The following CEP95 variants were observed in gnomAD, a reference collection of about 807,000 sequenced individuals.
The protein encoded by CEP95 is centrosomal protein 95, also known as centrosomal protein of 95 kDa.
CEP95 carries 98 observed loss-of-function variants against 111.2 expected under a neutral mutation model. That is an observed-to-expected ratio of 0.88 (90% CI 0.75 to 1.04). The LOEUF (loss-of-function observed/expected upper bound fraction) is 1.04. Ranked by LOEUF, CEP95 falls within the 50% of genes least tolerant of loss-of-function variation. CEP95 has a pLI of 0.00. For synonymous variants in CEP95, 323 were observed against 327.1 expected, an observed-to-expected ratio of 0.99 and a Z score of 0.14; for missense variants, 1,027 against 977.2, an observed-to-expected ratio of 1.05 and a Z score of -0.68.
intron 11 of CEP95, among the ~76,000 whole-genome samples, chr17:64,528,489 G>A (rs537256439): frequency 3.3e-5 from 5 of 152,088 alleles, no homozygotes; most frequent in East Asian, 1.9e-4. Context: ...TTTCAAGTGC[G>A]TCTTCAGTTT....
Position 64,516,794 on chromosome 17 carries a change from T to C in CEP95, c.439T>C (p.Ser147Pro), listed in dbSNP as rs1461223936. 1 of 1,610,058 alleles carries C rather than the reference T, an allele frequency of 6.2e-7. No homozygotes were observed. Among genetic ancestry groups the C allele is most frequent in the Non-Finnish European group, 8.5e-7 (1 of 1,176,596 alleles). The stretch of plus-strand genomic sequence containing the variant: ...GGAAGAGCCAGAAAGTACTAAAGAA[T>C]CTAAATCATCATGGAAAAGAGTTTC... ...RLEEPESTKE[S>P]KSSWKRVSFG... Residue 147 changes from serine (S) to proline (P), a missense_variant, in exon 5 of 20, where the codon TCT (serine) becomes CCT (proline). Physicochemically the swap from Ser to Pro is moderately conservative, Grantham distance 74. Coordinates refer to ENST00000556440, the MANE Select transcript of CEP95 (RefSeq NM_138363.3).
At chr17:64,512,197 T>C (rs2038932581) in intron 3 of CEP95, among the ~76,000 whole-genome samples, 1 of 152,224 alleles carries the variant, frequency 6.6e-6, no homozygotes, top group African/African-American at 2.4e-5. Flanking sequence ...TGCTAGTGTT[T>C]GTAAAAACAA....
At chr17:64,508,303 A>G (rs2038688793) in intron 1 of CEP95, 2 of 992,514 alleles carry the variant, frequency 2.0e-6, no homozygotes, top group Non-Finnish European at 2.4e-6. Context: ...TGTAAGGCTT[A>G]TATAAGTAAC....
At chr17:64,520,103 G>A (rs1185126602) in intron 6 of CEP95, among the ~76,000 whole-genome samples, 1 of 152,206 alleles carries the variant, frequency 6.6e-6, no homozygotes, top group Non-Finnish European at 1.5e-5. Context: ...AGAGTCAAGT[G>A]TGGATACTAC....
intron 3 of CEP95, 88 bp downstream of exon 3, chr17:64,510,368 G>A: frequency 3.6e-6 from 3 of 841,980 alleles, no homozygotes; most frequent in Admixed American, 2.1e-5. Context: ...AACCAAATGA[G>A]TGAGCTTATG....
At chr17:64,508,790 A>T in intron 2 of CEP95, 70 bp downstream of exon 2, 1 of 632,582 alleles carries the variant, frequency 1.6e-6, no homozygotes, top group Non-Finnish European at 2.3e-6. Context: ...CTTTAGTTAG[A>T]TTCTTTGATA....
intron 1 of CEP95, chr17:64,507,464 C>A: frequency 7.8e-7 from 1 of 1,284,982 alleles, no homozygotes; most frequent in East Asian, 3.5e-5. Flanking sequence ...GCACTATGGG[C>A]CCTGAGGTCG....
At position 64,514,153 on chromosome 17, in the gene CEP95, A is replaced by G. The variant is rs1177817946; in HGVS notation, c.257-95A>G. ...TGGTATGTATCGCCTGTATTCTTAA[A>G]TAGCATTTTCACAATGTTATATCCA... is the stretch of plus-strand genomic sequence containing the variant. On this transcript the variant is annotated intron_variant, in intron 3 of 19. Transcript: ENST00000556440. 9.0e-6 allele frequency: 5 copies of G among 556,990 alleles called. No individual in the cohort carries two copies. The African/African-American group carries it at 9.4e-5, about 10-fold the overall frequency. 34.5% of individuals were successfully genotyped at this position (556,990 alleles called of 1,614,324 possible).
chr17:64,537,521 A>C, intron 19 of CEP95, 82 bp from the exon 20 acceptor site: 3 of 1,461,780 alleles, frequency 2.1e-6, no homozygotes, highest in Non-Finnish European at 2.7e-6. Flanking sequence ...GAGTTTGATT[A>C]GCTGGAAGAT....
At chr17:64,529,709 A>G (rs1287520534) in intron 12 of CEP95, among the ~76,000 whole-genome samples, 2 of 152,198 alleles carry the variant, frequency 1.3e-5, no homozygotes, top group Non-Finnish European at 2.9e-5. Flanking sequence ...AGTGAGCTTC[A>G]GAGATGAAGG....
intron 1 of CEP95, 103 bp downstream of exon 1, chr17:64,507,219 G>A: frequency 1.3e-6 from 2 of 1,530,740 alleles, no homozygotes; most frequent in African/African-American, 1.4e-5. Flanking sequence ...GGCGGGGCTC[G>A]TGACCTTCAG....
chr17:64,512,523 A>T (rs2144355499), intron 3 of CEP95, among the ~76,000 whole-genome samples: 1 of 152,330 alleles, frequency 6.6e-6, no homozygotes, highest in Non-Finnish European at 1.5e-5. Context: ...TGATTATTCC[A>T]GTAAGTTATT....
chr17:64,532,645 G>A, intron 14 of CEP95, 194 bp from the exon 15 acceptor site: 2 of 1,396,290 alleles, frequency 1.4e-6, no homozygotes, highest in East Asian at 5.5e-5. Context: ...CAGAACTATT[G>A]AGCTTATTTT....
In CEP95 at chr17:64,527,891, T is replaced by TATACAC. The variant is rs1555679494; in HGVS notation, c.1306+628_1306+629insTACACA. ...GTGTGTATATATATATATATATATA[T>TATACAC]ACACACACACACACACGCGTGTAGC... On this transcript the variant is annotated intron_variant, in intron 11 of 19. Coordinates refer to ENST00000556440, the MANE Select transcript of CEP95 (RefSeq NM_138363.3). 2.0e-4 allele frequency among the ~76,000 whole-genome samples: 29 copies of TATACAC among 141,564 alleles called. 1 individual carries two copies. In the South Asian group the frequency reaches 4.1e-3, roughly 20 times the overall value. 92.9% of individuals were successfully genotyped at this position (141,564 alleles called of 152,430 possible). A position where few individuals can be genotyped will look rare whatever the true frequency, so the allele number is the denominator to read the frequency against.
intron 2 of CEP95, among the ~76,000 whole-genome samples, 192 bp downstream of exon 2, chr17:64,508,912 A>G (rs1455093575): frequency 2.0e-5 from 3 of 151,552 alleles, no homozygotes; most frequent in Non-Finnish European, 2.9e-5. Context: ...TGTATTTAAT[A>G]TCACATATTG....
At chr17:64,537,172 GACCTCGT>G (rs1170453325) in intron 19 of CEP95, 60 bp downstream of exon 19, 4 of 1,580,190 alleles carry the variant, frequency 2.5e-6, no homozygotes, top group Non-Finnish European at 3.4e-6. Flanking sequence ...TTCAGCAAGG[GACCTCGT>G]ACATTGGTGG....
At position 64,514,528 on chromosome 17, in the gene CEP95, G is replaced by C. The variant is rs2039046226; in HGVS notation, c.367+170G>C. 6.4e-6 allele frequency: 3 copies of C among 466,534 alleles called. No individual in the cohort carries two copies. The South Asian group carries it at 1.5e-4, about 23-fold the overall frequency. The allele number at this position is 466,534 out of a possible 1,614,324, so 28.9% of individuals were successfully genotyped here. On this transcript the variant is annotated intron_variant, in intron 4 of 19. Transcript: ENST00000556440. The stretch of plus-strand genomic sequence containing the variant: ...TTATTGTTCCAGCTGGTTGGAAACT[G>C]TCTTAGACTGTCATCATGTTCTTTA...
rs1964355048 is a variant in CEP95, at chr17:64,537,177, C to T, written c.2289+65C>T. ...CAATGTTTCTTTCAGCAAGGGACCT[C>T]GTACATTGGTGGTTGGAGCAATAGG... On this transcript the variant is annotated intron_variant, in intron 19 of 19. Transcript: ENST00000556440. 42 of 1,574,896 alleles carry T rather than the reference C, an allele frequency of 2.7e-5. 1 individual carries two copies. In the South Asian group the frequency reaches 3.4e-4, roughly 13 times the overall value.
rs116946627 is a variant in CEP95, at chr17:64,531,285, G to A, written c.1539+267G>A. The stretch of plus-strand genomic sequence containing the variant: ...AGTTTTTAAGGGTTTATTTGACTTA[G>A]CAGTTCACCAGGGGCTTAAAAACTA... On this transcript the variant is annotated intron_variant, in intron 13 of 19. Coordinates refer to ENST00000556440, the MANE Select transcript of CEP95 (RefSeq NM_138363.3). 2.9e-3 allele frequency among the ~76,000 whole-genome samples: 445 copies of A among 152,236 alleles called. 1 individual carries two copies. The highest frequency in any genetic ancestry group is 5.5e-3 in the Non-Finnish European group (374 of 68,020).
Sources: gnomAD v4.1 joint callset for allele counts (sites outside exome capture counted in the v4.1 genomes callset) on GRCh38, gnomAD v4.1.1 for gene constraint, MANE v1.5 for transcripts, NCBI Gene and HGNC (gene_info 2026-07-23, HGNC 2026-07-21) for gene names.